MED12L: variants seen among roughly 807,000 people sequenced by gnomAD.
MED12L encodes the protein mediator complex subunit 12L.
In MED12L, 60 loss-of-function variants were observed where a neutral mutation model predicts 281.3. The ratio of observed to expected loss-of-function variants is 0.21; its 90% CI spans 0.17 to 0.26. The LOEUF (loss-of-function observed/expected upper bound fraction) is 0.26. Among genes scored for constraint, MED12L ranks in the 10% least tolerant of loss-of-function variants. The pLI is 1.00. For synonymous variants in MED12L, 974 were observed against 987.2 expected, an observed-to-expected ratio of 0.99 and a Z score of 0.25; for missense variants, 2,146 against 2,680.9, an observed-to-expected ratio of 0.80 and a Z score of 4.41.
At chr3:151,309,904 A>AT (rs1415847306) in intron 16 of MED12L, among the ~76,000 whole-genome samples, 6 of 151,740 alleles carry the variant, frequency 4.0e-5, no homozygotes, top group African/African-American at 9.7e-5. Context: ...ATTTTTAACA[A>AT]TTTTTTTTTC....
chr3:151,400,758 C>T (rs1188927326), intron 39 of MED12L, among the ~76,000 whole-genome samples: 1 of 152,096 alleles, frequency 6.6e-6, no homozygotes, highest in East Asian at 1.9e-4. Context: ...ATGGTATCAC[C>T]TTGGAATATG....
intron 39 of MED12L, among the ~76,000 whole-genome samples, chr3:151,408,191 G>A (rs1056576345): frequency 6.6e-6 from 1 of 152,158 alleles, no homozygotes; most frequent in African/African-American, 2.4e-5. Context: ...GTCTGAAGAA[G>A]ATGAGAATGA....
At chr3:151,091,463 G>T (rs1720040688) in intron 2 of MED12L, among the ~76,000 whole-genome samples, 1 of 152,184 alleles carries the variant, frequency 6.6e-6, no homozygotes, top group Non-Finnish European at 1.5e-5. Flanking sequence ...CTGGTCTAGG[G>T]CCCCACTTCG....
chr3:151,230,239 G>T (rs1731383241), intron 16 of MED12L, among the ~76,000 whole-genome samples: 1 of 152,232 alleles, frequency 6.6e-6, no homozygotes, highest in African/African-American at 2.4e-5. Context: ...CTCCTAAAGT[G>T]CTGGGATTAC....
chr3:151,389,943 G>T, intron 37 of MED12L, 36 bp from the exon 38 acceptor site: 2 of 1,607,278 alleles, frequency 1.2e-6, no homozygotes, highest in Non-Finnish European at 1.7e-6. Flanking sequence ...GTGATATGTG[G>T]AGTTACGTAA....
rs66728754 is a variant in MED12L, at chr3:151,115,327, CTTTTTTTTTTTTTTTTTTTTTTTTTTT to C, written c.100-998_100-972del. Among the ~76,000 whole-genome samples the C allele has an allele frequency of 2.0e-3, 121 of 60,806 alleles. 6 individuals are homozygous for C. In the East Asian group the frequency reaches 0.03, roughly 15 times the overall value. 39.9% of individuals were successfully genotyped at this position (60,806 alleles called of 152,430 possible). ...AACTGTGGGCTCTCTGGAAACAATTCTTTTTTTTTTTTTTTTTTTTTTTTTTTTTTTTTTTTTTTGAGATGGAGTCTC... is the reference window on the plus strand; with the variant it reads ...AACTGTGGGCTCTCTGGAAACAATTCTTTTTTTTTTTTGAGATGGAGTCTC... On this transcript the variant is annotated intron_variant, in intron 2 of 44. Transcript: ENST00000687756.
chr3:151,333,808 G>A (rs949881996), intron 16 of MED12L, among the ~76,000 whole-genome samples: 5 of 152,086 alleles, frequency 3.3e-5, no homozygotes, highest in Admixed American at 6.6e-5. Flanking sequence ...GGCCAGGCAT[G>A]GTGGCTCACA....
At chr3:151,420,153 A>T (rs986634602) in intron 43 of MED12L, among the ~76,000 whole-genome samples, 1 of 152,124 alleles carries the variant, frequency 6.6e-6, no homozygotes, top group Non-Finnish European at 1.5e-5. Flanking sequence ...CCTTAATCAC[A>T]GGGCATAGTA....
intron 16 of MED12L, among the ~76,000 whole-genome samples, chr3:151,348,907 G>T (rs920701587): frequency 6.6e-6 from 1 of 152,176 alleles, no homozygotes; most frequent in Non-Finnish European, 1.5e-5. Flanking sequence ...GTTCTTTGTT[G>T]CTGCCACTGC....
chr3:151,357,895 A>G (rs1233629279), intron 20 of MED12L, among the ~76,000 whole-genome samples: 1 of 152,306 alleles, frequency 6.6e-6, no homozygotes, highest in East Asian at 1.9e-4. Flanking sequence ...AATGAAGTTG[A>G]GCTACAGAAT....
intron 43 of MED12L, among the ~76,000 whole-genome samples, chr3:151,417,199 C>T (rs1035452804): frequency 6.6e-6 from 1 of 152,178 alleles, no homozygotes; most frequent in African/African-American, 2.4e-5. Flanking sequence ...TGAGCCCTAC[C>T]TACGATGAGC....
chr3:151,408,234 T>C (rs1716553134), intron 39 of MED12L, among the ~76,000 whole-genome samples: 1 of 152,132 alleles, frequency 6.6e-6, no homozygotes, highest in Non-Finnish European at 1.5e-5. Flanking sequence ...TGTGAGAAAA[T>C]GAGAGTAAGA....
chr3:151,255,317 G>A (rs1186514852), intron 16 of MED12L, among the ~76,000 whole-genome samples: 4 of 152,112 alleles, frequency 2.6e-5, no homozygotes, highest in Admixed American at 6.5e-5. Flanking sequence ...GTGACATGCA[G>A]TGTGACTTAA....
At chr3:151,184,359 T>C (rs1723028232) in intron 11 of MED12L, among the ~76,000 whole-genome samples, 2 of 152,230 alleles carry the variant, frequency 1.3e-5, no homozygotes, top group Admixed American at 1.3e-4. Context: ...TGGCGTGTGC[T>C]CATAGCCATA....
chr3:151,390,955 C>G (rs1224822288), intron 38 of MED12L, among the ~76,000 whole-genome samples: 1 of 152,174 alleles, frequency 6.6e-6, no homozygotes, highest in Admixed American at 6.5e-5. Flanking sequence ...TTCTACCACT[C>G]TCTTGCTGTA....
At chr3:151,166,891 G>T (rs1186446898) in intron 11 of MED12L, among the ~76,000 whole-genome samples, 1 of 152,030 alleles carries the variant, frequency 6.6e-6, no homozygotes, top group Non-Finnish European at 1.5e-5. Context: ...TGGCCATGCT[G>T]ATCTTGAATC....
intron 5 of MED12L, among the ~76,000 whole-genome samples, chr3:151,134,184 G>T (rs1292141547): frequency 1.4e-5 from 2 of 139,262 alleles, no homozygotes; most frequent in East Asian, 4.3e-4. Context: ...GCTGTTGTGG[G>T]GTTGTTTTTT....
chr3:151,368,727 T>TTCATG (rs1287272433), intron 25 of MED12L, among the ~76,000 whole-genome samples: 6 of 89,712 alleles, frequency 6.7e-5, no homozygotes, highest in Non-Finnish European at 1.4e-4. Flanking sequence ...TTCATTTCAT[T>TTCATG]TCATTTCATT....
chr3:151,242,210 A>T (rs1734288289), intron 16 of MED12L, among the ~76,000 whole-genome samples: 1 of 152,200 alleles, frequency 6.6e-6, no homozygotes, highest in African/African-American at 2.4e-5. Context: ...GGCGCCCGCC[A>T]TTGCCCAGGC....
Sources: gnomAD v4.1 joint callset for allele counts (sites outside exome capture counted in the v4.1 genomes callset) on GRCh38, gnomAD v4.1.1 for gene constraint, MANE v1.5 for transcripts, NCBI Gene and HGNC (gene_info 2026-07-23, HGNC 2026-07-21) for gene names.